Variants in NEK11 observed in about 807,000 individuals in gnomAD.
NEK11 encodes serine/threonine-protein kinase Nek11.
Under a neutral mutation model 80.7 loss-of-function variants are expected in NEK11, and 72 were observed. The ratio of observed to expected loss-of-function variants is 0.89; its 90% confidence interval spans 0.74 to 1.08. NEK11 has a LOEUF of 1.08. Ranked by LOEUF, NEK11 falls within the 50% of genes least tolerant of loss-of-function variation. The probability of loss-of-function intolerance (pLI) is 0.00; values close to 1 mark genes in which losing one functional copy is unlikely to be tolerated. For synonymous variants in NEK11, 251 were observed against 260.7 expected, an observed-to-expected ratio of 0.96 and a Z score of 0.36; for missense variants, 764 against 763.6, an observed-to-expected ratio of 1.00 and a Z score of -0.01.
At chr3:131,307,801 G>A (rs1466083805) in intron 17 of NEK11, among the ~76,000 whole-genome samples, 1 of 152,188 alleles carries the variant, frequency 6.6e-6, no homozygotes, top group Non-Finnish European at 1.5e-5. Flanking sequence ...AGTTCTGCAT[G>A]AACTGCAGTG....
intron 15 of NEK11, among the ~76,000 whole-genome samples, chr3:131,234,822 A>G (rs1273646597): frequency 6.6e-6 from 1 of 151,196 alleles, no homozygotes; most frequent in Non-Finnish European, 1.5e-5. Context: ...TTGATATACT[A>G]TTCTTTTTTT....
At position 131,350,038 on chromosome 3, in the gene NEK11, T is replaced by C. The variant is rs768283438; in HGVS notation, c.*262T>C. 3 of 409,774 alleles carry C rather than the reference T, an allele frequency of 7.3e-6. No homozygotes were observed. The highest frequency in any genetic ancestry group is 8.9e-6 in the Non-Finnish European group (2 of 224,304). 25.4% of individuals were successfully genotyped at this position (409,774 alleles called of 1,614,324 possible). A position where few individuals can be genotyped will look rare whatever the true frequency, so the allele number is the denominator to read the frequency against. On this transcript the variant is annotated 3_prime_UTR_variant, in exon 18 of 18. Transcript: ENST00000383366. ...GCTCCCTTGAAAAGCATTTCTCTCA[T>C]GTGCGCCCTCAGGGCTTCCAGCAGG...
At chr3:131,270,848 C>G (rs1239158568) in intron 16 of NEK11, among the ~76,000 whole-genome samples, 1 of 152,134 alleles carries the variant, frequency 6.6e-6, no homozygotes, top group East Asian at 1.9e-4. Context: ...TCAAAACTTG[C>G]CAGCTCTGGA....
chr3:131,099,010 G>A lies in NEK11; in HGVS notation c.337-10793G>A, dbSNP rs150298597. 1.6e-3 allele frequency among the ~76,000 whole-genome samples: 237 copies of A among 152,194 alleles called. 3 individuals carry two copies. The South Asian group carries it at 0.027, about 17-fold the overall frequency. On this transcript the variant is annotated intron_variant, in intron 4 of 17. Transcript: ENST00000383366. ...AGGTCCCACTTGTTTTGTTTTAGTTGCAACTGCTTTTGAGAACTTAGCCAG... is the reference window on the plus strand; with the variant it reads ...AGGTCCCACTTGTTTTGTTTTAGTTACAACTGCTTTTGAGAACTTAGCCAG...
chr3:131,338,427 C>T (rs528883617), intron 17 of NEK11, among the ~76,000 whole-genome samples: 1 of 152,156 alleles, frequency 6.6e-6, no homozygotes, highest in South Asian at 2.1e-4. Context: ...GGCTGAGAAG[C>T]AATAAGCAGT....
chr3:131,314,545 G>C lies in NEK11; in HGVS notation c.1719-35012G>C, dbSNP rs981816660. 6.6e-5 allele frequency among the ~76,000 whole-genome samples: 10 copies of C among 152,260 alleles called. No individual in the cohort carries two copies. The East Asian group carries it at 9.6e-4, about 15-fold the overall frequency. The stretch of plus-strand genomic sequence containing the variant: ...ACTTCCTATTGGCAGAGCCTACCTA[G>C]TAGGAAGCAGCTGGAAAGCTATAAT... On this transcript the variant is annotated intron_variant, in intron 17 of 17. Transcript: ENST00000383366.
intron 2 of NEK11, among the ~76,000 whole-genome samples, chr3:131,029,301 T>C (rs1228932886): frequency 6.6e-6 from 1 of 152,200 alleles, no homozygotes; most frequent in Admixed American, 6.5e-5. Context: ...CTTTTATAAG[T>C]AGTTGGGGAG....
chr3:131,196,260 A>G (rs1348552530), intron 14 of NEK11, among the ~76,000 whole-genome samples: 2 of 152,130 alleles, frequency 1.3e-5, no homozygotes, highest in African/African-American at 4.8e-5. Context: ...GCATTGTTTT[A>G]TTTAGTGAAG....
Position 131,212,757 on chromosome 3 carries a change from G to T in NEK11, c.1400-15771G>T, listed in dbSNP as rs564149495. Among the ~76,000 whole-genome samples the T allele has an allele frequency of 7.9e-5, 12 of 152,312 alleles. No homozygotes were observed. The South Asian group carries it at 2.5e-3, about 32-fold the overall frequency. ...GTTCTGTTTGGCAACTTTATTCTCT[G>T]TCAGATTTCAAGTTGCAAAATAATT... is the stretch of plus-strand genomic sequence containing the variant. On this transcript the variant is annotated intron_variant, in intron 14 of 17. Transcript: ENST00000383366.
intron 14 of NEK11, among the ~76,000 whole-genome samples, chr3:131,213,526 A>G (rs2094705398): frequency 6.6e-6 from 1 of 152,232 alleles, no homozygotes; most frequent in Admixed American, 6.5e-5. Context: ...ACAACGAGAA[A>G]AAAGTAAAAG....
chr3:131,044,996 A>G (rs1319262124), intron 3 of NEK11, among the ~76,000 whole-genome samples: 1 of 152,210 alleles, frequency 6.6e-6, no homozygotes, highest in Admixed American at 6.5e-5. Flanking sequence ...TTACGTGGAA[A>G]CTGAACAACC....
At chr3:131,232,720 G>C (rs2095354459) in intron 15 of NEK11, among the ~76,000 whole-genome samples, 1 of 152,196 alleles carries the variant, frequency 6.6e-6, no homozygotes. Context: ...ATTCTGCTGA[G>C]GACCCTTGGA....
chr3:131,229,195 T>C (rs1030861764), intron 15 of NEK11, among the ~76,000 whole-genome samples: 1 of 152,146 alleles, frequency 6.6e-6, no homozygotes, highest in African/African-American at 2.4e-5. Flanking sequence ...TGAGGACACA[T>C]TCTTGCTTAA....
chr3:131,315,649 C>T lies in NEK11; in HGVS notation c.1719-33908C>T, dbSNP rs146269502. ...CATGGTGGTTTGCTGCACAGATCAT[C>T]CCATCATCCAGGTATTAAGCCCAGC... is the stretch of plus-strand genomic sequence containing the variant. On this transcript the variant is annotated intron_variant, in intron 17 of 17. Transcript: ENST00000383366. 9.0e-3 allele frequency among the ~76,000 whole-genome samples: 1,374 copies of T among 151,950 alleles called. 22 individuals are homozygous for T. The highest frequency in any genetic ancestry group is 0.031 in the African/African-American group (1,284 of 41,426).
chr3:131,318,329 A>G (rs1042525079), intron 17 of NEK11, among the ~76,000 whole-genome samples: 5 of 152,208 alleles, frequency 3.3e-5, no homozygotes, highest in African/African-American at 1.2e-4. Context: ...TTACTTTCAT[A>G]CAGAAGAGAA....
intron 14 of NEK11, among the ~76,000 whole-genome samples, chr3:131,208,225 C>T (rs2094502271): frequency 6.6e-6 from 1 of 152,170 alleles, no homozygotes; most frequent in Non-Finnish European, 1.5e-5. Context: ...AATAGGGAAT[C>T]CTTTCCCCAT....
chr3:131,075,728 G>T (rs907134819), intron 3 of NEK11, among the ~76,000 whole-genome samples: 17 of 152,134 alleles, frequency 1.1e-4, no homozygotes, highest in African/African-American at 3.6e-4. Context: ...GGCTTTCATT[G>T]CCCCAAAGTG....
At chr3:131,177,655 G>C (rs1193323642) in intron 14 of NEK11, among the ~76,000 whole-genome samples, 1 of 152,158 alleles carries the variant, frequency 6.6e-6, no homozygotes, top group Non-Finnish European at 1.5e-5. Flanking sequence ...ATCCTATGCT[G>C]CCTTACAGTA....
chr3:131,347,095 G>C (rs2097374150), intron 17 of NEK11, among the ~76,000 whole-genome samples: 1 of 152,130 alleles, frequency 6.6e-6, no homozygotes, highest in South Asian at 2.1e-4. Flanking sequence ...AGGTGACTAG[G>C]GATGTTAGGC....
Sources: allele counts gnomAD v4.1 joint callset (sites outside exome capture counted in the v4.1 genomes callset), GRCh38; gene constraint gnomAD v4.1.1; transcripts MANE v1.5; gene names NCBI Gene and HGNC (gene_info 2026-07-23, HGNC 2026-07-21).